HCN4: variants seen among roughly 807,000 people sequenced by gnomAD.
HCN4 encodes the protein hyperpolarization activated cyclic nucleotide gated potassium channel 4.
Under a neutral mutation model 76.9 loss-of-function variants are expected in HCN4, and 29 were observed. The observed-to-expected ratio is 0.38, with a 90% confidence interval of 0.28 to 0.51. HCN4 has a LOEUF of 0.51. Among genes scored for constraint, HCN4 ranks in the 20% least tolerant of loss-of-function variants. The pLI, the probability that HCN4 is intolerant of heterozygous loss-of-function variation, is 0.90. For missense variants in HCN4, 1,416 were observed against 1,715.2 expected, an observed-to-expected ratio of 0.83 and a Z score of 3.08; for synonymous variants, 772 against 762.5, an observed-to-expected ratio of 1.01 and a Z score of -0.21.
At chr15:73,365,312 C>T (rs967453143) in intron 1 of HCN4, among the ~76,000 whole-genome samples, 2 of 152,192 alleles carry the variant, frequency 1.3e-5, no homozygotes, top group African/African-American at 4.8e-5. Context: ...TTTCCTTACA[C>T]CCCACCCAGC....
chr15:73,323,900 G>A lies in HCN4; in HGVS notation c.2193C>T (p.Ser731=), dbSNP rs373015590. Residue 731 remains serine, a synonymous_variant, in exon 8 of 8, where the codon TCC becomes TCT. Transcript: ENST00000261917. The part of the protein sequence containing the change: ...LLHKVQHDLN[S]GVFNYQENEI... ...CATTCTCCTGGTAGTTGAAGACGCC[G>A]GAGTTGAGGTCGTGCTGGACTTTGT... 1.1e-5 allele frequency: 17 copies of A among 1,603,754 alleles called. No individual in the cohort carries two copies. Among genetic ancestry groups the A allele is most frequent in the African/African-American group, 5.3e-5 (4 of 74,914 alleles).
At chr15:73,345,978 G>A (rs889462596) in intron 1 of HCN4, among the ~76,000 whole-genome samples, 2 of 152,206 alleles carry the variant, frequency 1.3e-5, no homozygotes, top group African/African-American at 4.8e-5. Flanking sequence ...ATTTGAGAGA[G>A]TAATTAACAG....
Position 73,321,393 on chromosome 15 carries a change from T to G in HCN4, c.*1088A>C, listed in dbSNP as rs182384614. The G allele has an allele frequency of 6.6e-6, 1 of 152,342 alleles. No homozygotes were observed. The highest frequency in any genetic ancestry group is 2.4e-5 in the African/African-American group (1 of 41,578). 9.4% of individuals were successfully genotyped at this position (152,342 alleles called of 1,614,324 possible). A position where few individuals can be genotyped will look rare whatever the true frequency, so the allele number is the denominator to read the frequency against. On this transcript the variant is annotated 3_prime_UTR_variant, in exon 8 of 8. Coordinates refer to ENST00000261917, the MANE Select transcript of HCN4 (RefSeq NM_005477.3). ...CACTCTGCCACTCCTAGTTACATGA[T>G]TCTGGAAAAATTACCCAAAACTGTT...
In HCN4 at chr15:73,350,516, G is replaced by A. The variant is rs575481698; in HGVS notation, c.786-6708C>T. Among the ~76,000 whole-genome samples, 12 of 152,222 alleles carry A rather than the reference G, an allele frequency of 7.9e-5. No homozygotes were observed. In the East Asian group the frequency reaches 1.7e-3, roughly 22 times the overall value. ...ACTTTCCTGCCCATTCCCCATAGCT[G>A]CTATTTCAAATTAATTCCTCTCTCC... On this transcript the variant is annotated intron_variant, in intron 1 of 7. Coordinates refer to ENST00000261917, the MANE Select transcript of HCN4 (RefSeq NM_005477.3).
chr15:73,340,445 G>A (rs1271864410), intron 2 of HCN4, among the ~76,000 whole-genome samples: 2 of 152,178 alleles, frequency 1.3e-5, no homozygotes, highest in East Asian at 1.9e-4. Flanking sequence ...GGTTTCTCAG[G>A]GTCTGAGGGA....
intron 1 of HCN4, among the ~76,000 whole-genome samples, chr15:73,345,332 T>A (rs1226092420): frequency 6.6e-6 from 1 of 152,126 alleles, no homozygotes; most frequent in Admixed American, 6.5e-5. Flanking sequence ...TGCAGCTCCT[T>A]TGAAAGCCAA....
chr15:73,329,501 G>T (rs1212997249), intron 4 of HCN4, 72 bp downstream of exon 4: 3 of 1,455,954 alleles, frequency 2.1e-6, no homozygotes. Flanking sequence ...TCCTGCTGGG[G>T]GCCCACTGGC....
chr15:73,355,436 C>G (rs548684389), intron 1 of HCN4, among the ~76,000 whole-genome samples: 2 of 152,270 alleles, frequency 1.3e-5, no homozygotes, highest in South Asian at 4.1e-4. Context: ...GCCAGATTGA[C>G]AGCTCACTCA....
intron 1 of HCN4, among the ~76,000 whole-genome samples, chr15:73,362,106 A>G (rs2043107467): frequency 6.6e-6 from 1 of 152,176 alleles, no homozygotes; most frequent in African/African-American, 2.4e-5. Flanking sequence ...CACCCATCCC[A>G]AAAGCCAGCA....
At chr15:73,345,624 A>T (rs1305932610) in intron 1 of HCN4, among the ~76,000 whole-genome samples, 1 of 152,020 alleles carries the variant, frequency 6.6e-6, no homozygotes, top group African/African-American at 2.4e-5. Context: ...AGCCACATAG[A>T]CCTCACTCAA....
At chr15:73,331,773 C>T (rs2042934281) in intron 3 of HCN4, among the ~76,000 whole-genome samples, 1 of 152,112 alleles carries the variant, frequency 6.6e-6, no homozygotes, top group Non-Finnish European at 1.5e-5. Flanking sequence ...GACTTGGCTT[C>T]TAAGGGGCAG....
rs1016159555 is a variant in HCN4 at position 73,322,324 on chromosome 15, G to C, written c.*157C>G. ...AGTGACCAAAAATCTATAGCTCTAA[G>C]AATACCTGGTTATTTTCTGCTGTCT... On this transcript the variant is annotated 3_prime_UTR_variant, in exon 8 of 8. Transcript: ENST00000261917. The C allele has an allele frequency of 4.6e-6, 3 of 649,570 alleles. No individual in the cohort carries two copies. Among genetic ancestry groups the C allele is most frequent in the Non-Finnish European group, 8.2e-6 (3 of 365,262 alleles). The allele number at this position is 649,570 out of a possible 1,614,324, so 40.2% of individuals were successfully genotyped here. A position where few individuals can be genotyped will look rare whatever the true frequency, so the allele number is the denominator to read the frequency against.
chr15:73,341,065 G>T (rs554380286), intron 2 of HCN4: 82 of 111,336 alleles, frequency 7.4e-4, no homozygotes, highest in African/African-American at 3.5e-3. Flanking sequence ...TGGGGAGGGA[G>T]GTAGGTGTGT....
intron 1 of HCN4, among the ~76,000 whole-genome samples, chr15:73,355,635 G>A (rs2043074926): frequency 6.6e-6 from 1 of 152,200 alleles, no homozygotes; most frequent in South Asian, 2.1e-4. Flanking sequence ...ACAGCACAGT[G>A]AGAACAGGCC....
intron 4 of HCN4, among the ~76,000 whole-genome samples, chr15:73,327,156 G>A (rs2042905259): frequency 6.7e-6 from 1 of 150,044 alleles, no homozygotes; most frequent in African/African-American, 2.5e-5. Flanking sequence ...GCCCAGGCTG[G>A]GGTGCAGTGG....
chr15:73,356,844 G>C (rs1285325381), intron 1 of HCN4, among the ~76,000 whole-genome samples: 1 of 152,152 alleles, frequency 6.6e-6, no homozygotes, highest in East Asian at 1.9e-4. Context: ...AGGTATAAAA[G>C]CTCCCTGGAG....
intron 3 of HCN4, among the ~76,000 whole-genome samples, chr15:73,331,466 T>C (rs963921986): frequency 6.6e-6 from 1 of 152,198 alleles, no homozygotes; most frequent in African/African-American, 2.4e-5. Flanking sequence ...CTCAGCTTTT[T>C]GTTTTTTATT....
chr15:73,357,762 C>T (rs956506097), intron 1 of HCN4, among the ~76,000 whole-genome samples: 2 of 152,050 alleles, frequency 1.3e-5, no homozygotes, highest in African/African-American at 2.4e-5. Context: ...CCCCCAGCCC[C>T]GCTCCCCAGG....
At position 73,323,032 on chromosome 15, in the gene HCN4, G is replaced by T. The variant is rs900865428; in HGVS notation, c.3061C>A (p.Pro1021Thr). 2.0e-6 allele frequency: 3 copies of T among 1,499,954 alleles called. No individual in the cohort carries two copies. The highest frequency in any genetic ancestry group is 2.7e-6 in the Non-Finnish European group (3 of 1,128,840). 92.9% of individuals were successfully genotyped at this position (1,499,954 alleles called of 1,614,324 possible). The stretch of plus-strand genomic sequence containing the variant: ...CCAGGGGGGCTGAGACCTCCTCGGG[G>T]AGTAAAGCCTACAGGGGAAGCCCCC... ...SGGASPVGFTPRGGLSPPGHS... is the reference protein window; with the variant it reads ...SGGASPVGFTTRGGLSPPGHS... Residue 1021 changes from proline (P) to threonine (T), a missense_variant, in exon 8 of 8, where the codon CCC becomes ACC. By Grantham distance (38) the Pro-to-Thr change is conservative. Around this residue, in one of 6 missense-constraint regions of HCN4, gnomAD observed 633 missense variants for 579.8 expected, o/e 1.09. Coordinates refer to ENST00000261917, the MANE Select transcript of HCN4 (RefSeq NM_005477.3).
Sources: gnomAD v4.1 joint callset for allele counts (sites outside exome capture counted in the v4.1 genomes callset) on GRCh38, gnomAD v4.1.1 for gene constraint, gnomAD v4.1.1 regional missense constraint, MANE v1.5 for transcripts, NCBI Gene and HGNC (gene_info 2026-07-23, HGNC 2026-07-21) for gene names.